SLC12A1: variants seen among roughly 807,000 people sequenced by gnomAD.
SLC12A1 encodes the protein solute carrier family 12 member 1, also known as Na-K-2Cl cotransporter.
In SLC12A1, 89 loss-of-function variants were observed where a neutral mutation model predicts 130.4. The observed-to-expected ratio is 0.68, with a 90% CI of 0.58 to 0.81. SLC12A1 has a LOEUF of 0.81. Ranked by LOEUF, SLC12A1 falls within the 40% of genes least tolerant of loss-of-function variation. The probability of loss-of-function intolerance (pLI) is 0.00; values close to 1 mark genes in which losing one functional copy is unlikely to be tolerated. For missense variants in SLC12A1, 1,310 were observed against 1,336.4 expected (o/e 0.98, Z 0.31); for synonymous variants, 499 against 460.0 (o/e 1.08, Z -1.09).
At chr15:48,228,850 A>G (rs1397709188) in intron 5 of SLC12A1, 1 of 174,144 alleles carries the variant, frequency 5.7e-6, no homozygotes, top group Admixed American at 5.9e-5. Flanking sequence ...ATAAAATTTT[A>G]CTTCAGTTGC....
chr15:48,254,260 G>A (rs1241767080), intron 15 of SLC12A1, among the ~76,000 whole-genome samples: 2 of 151,592 alleles, frequency 1.3e-5, no homozygotes, highest in Admixed American at 6.6e-5. Flanking sequence ...AGTATATTTA[G>A]GTCTATTATC....
intron 17 of SLC12A1, among the ~76,000 whole-genome samples, chr15:48,260,382 A>ACACACC (rs768468962): frequency 6.9e-4 from 98 of 142,980 alleles, no homozygotes; most frequent in African/African-American, 2.3e-3. Context: ...ACACACACAC[A>ACACACC]CCACTGAAAA....
At chr15:48,263,579 C>T (rs1201613271) in intron 17 of SLC12A1, among the ~76,000 whole-genome samples, 5 of 151,992 alleles carry the variant, frequency 3.3e-5, no homozygotes. Flanking sequence ...AATTTATATT[C>T]TACTTTTCCT....
intron 5 of SLC12A1, chr15:48,228,106 AC>A (rs2141029946): frequency 6.6e-6 from 1 of 152,212 alleles, no homozygotes; most frequent in Non-Finnish European, 1.5e-5. Flanking sequence ...AACTCTGCCT[AC>A]CTCCAAAGCC....
At chr15:48,224,328 T>G (rs896275006) in intron 4 of SLC12A1, 2 of 152,230 alleles carry the variant, frequency 1.3e-5, no homozygotes, top group Non-Finnish European at 2.9e-5. Flanking sequence ...GCTGGGGGCC[T>G]ATAAATTAGA....
Position 48,303,089 on chromosome 15 carries a change from G to A in SLC12A1, c.*204G>A. The A allele has an allele frequency of 5.3e-6, 2 of 380,048 alleles. No homozygotes were observed. The highest frequency in any genetic ancestry group is 9.3e-6 in the Non-Finnish European group (2 of 216,018). 23.5% of individuals were successfully genotyped at this position (380,048 alleles called of 1,614,324 possible). On this transcript the variant is annotated 3_prime_UTR_variant, in exon 27 of 27. Coordinates refer to ENST00000380993, the MANE Select transcript of SLC12A1 (RefSeq NM_000338.3). ...AGCTTAAGGGGTTGTCAAAGCCAAT[G>A]TTATCCCTAGAAAAACATTTTTGTC...
At chr15:48,261,569 G>A (rs558996857) in intron 17 of SLC12A1, among the ~76,000 whole-genome samples, 66 of 152,276 alleles carry the variant, frequency 4.3e-4, no homozygotes, top group African/African-American at 1.6e-3. Context: ...GAGCTCCTGG[G>A]GCTGCAGATG....
chr15:48,292,055 C>T (rs762892133), intron 24 of SLC12A1, among the ~76,000 whole-genome samples, 191 bp downstream of exon 24: 30 of 152,224 alleles, frequency 2.0e-4, no homozygotes, highest in Non-Finnish European at 4.4e-4. Context: ...AAAGCTTTTA[C>T]AGTGAAGACA....
intron 17 of SLC12A1, among the ~76,000 whole-genome samples, chr15:48,263,431 T>A (rs1802190510): frequency 6.6e-6 from 1 of 152,118 alleles, no homozygotes; most frequent in South Asian, 2.1e-4. Context: ...TTTAAAAAGA[T>A]TGATTCTGTT....
intron 17 of SLC12A1, among the ~76,000 whole-genome samples, chr15:48,263,303 G>A (rs990374137): frequency 4.6e-5 from 7 of 151,982 alleles, no homozygotes; most frequent in African/African-American, 1.7e-4. Flanking sequence ...CCAAAAACAC[G>A]CCACTTACCT....
In SLC12A1 at chr15:48,288,093, A is replaced by C. The variant is rs760812083; in HGVS notation, c.2680A>C (p.Lys894Gln). ...GATGCATGTGGGAGAGTTCAACCAG[A>C]AACTGGTGGAAGCCAGCACTCAATT... The part of the protein sequence containing the change: ...QSMHVGEFNQ[K>Q]LVEASTQFKK... Residue 894 changes from lysine (K) to glutamine (Q), a missense_variant, in exon 22 of 27, where the codon AAA (lysine) becomes CAA (glutamine). Lys to Gln is a moderately conservative substitution (Grantham distance 53). Transcript: ENST00000380993. 4 of 1,611,000 alleles carry C rather than the reference A, an allele frequency of 2.5e-6. No individual in the cohort carries two copies. The Admixed American group carries it at 5.0e-5, about 20-fold the overall frequency.
At chr15:48,294,335 A>G (rs1241880599) in intron 24 of SLC12A1, among the ~76,000 whole-genome samples, 2 of 148,818 alleles carry the variant, frequency 1.3e-5, no homozygotes, top group African/African-American at 5.0e-5. Context: ...GCGACAGAGC[A>G]AGACTACATC....
rs781726682 is a variant in SLC12A1 at position 48,226,507 on chromosome 15, C to T, written c.660C>T (p.Thr220=). 11 of 1,601,680 alleles carry T rather than the reference C, an allele frequency of 6.9e-6. No homozygotes were observed. In the Admixed American group the frequency reaches 8.7e-5, roughly 13 times the overall value. Residue 220 remains threonine (T), a synonymous_variant, in exon 5 of 27, where the codon ACC becomes ACT. Coordinates refer to ENST00000380993, the MANE Select transcript of SLC12A1 (RefSeq NM_000338.3). Reference sequence around the variant, plus strand: ...GAGTTCTCATAATTCTTCTTTCCACCATGGTAACTTCTATTACTGGGTTGT... The same window carrying T: ...GAGTTCTCATAATTCTTCTTTCCACTATGGTAACTTCTATTACTGGGTTGT... ...GLGVLIILLS[T]MVTSITGLST...
chr15:48,275,874 G>T (rs186046726), intron 20 of SLC12A1, among the ~76,000 whole-genome samples: 79 of 152,232 alleles, frequency 5.2e-4, no homozygotes, highest in Admixed American at 1.4e-3. Flanking sequence ...TTCAAATGAG[G>T]GAATAAGGTG....
At chr15:48,222,089 A>G (rs1316759289) in intron 4 of SLC12A1, among the ~76,000 whole-genome samples, 1 of 152,226 alleles carries the variant, frequency 6.6e-6, no homozygotes, top group Non-Finnish European at 1.5e-5. Flanking sequence ...ATGATGCATA[A>G]CAAATGAATG....
intron 7 of SLC12A1, among the ~76,000 whole-genome samples, chr15:48,232,225 C>T (rs2041389574): frequency 6.6e-6 from 1 of 152,188 alleles, no homozygotes; most frequent in Admixed American, 6.5e-5. Flanking sequence ...TCTGACCAGT[C>T]AACTTTGCAG....
chr15:48,248,672 C>T (rs1197376412), intron 13 of SLC12A1, among the ~76,000 whole-genome samples: 1 of 152,204 alleles, frequency 6.6e-6, no homozygotes, highest in Non-Finnish European at 1.5e-5. Flanking sequence ...AGGATGACGT[C>T]TCTATATTTT....
At chr15:48,254,178 T>C (rs1362064767) in intron 15 of SLC12A1, among the ~76,000 whole-genome samples, 5 of 151,544 alleles carry the variant, frequency 3.3e-5, no homozygotes, top group African/African-American at 1.2e-4. Flanking sequence ...TGGCTTACCA[T>C]ATTGCATCTG....
intron 9 of SLC12A1, 65 bp from the exon 10 acceptor site, chr15:48,241,450 C>A: frequency 7.8e-7 from 1 of 1,278,016 alleles, no homozygotes; most frequent in Non-Finnish European, 1.1e-6. Context: ...ATGAAAATAA[C>A]TCCAAGTGAT....
Sources: gnomAD v4.1 joint callset for allele counts (sites outside exome capture counted in the v4.1 genomes callset) on GRCh38, gnomAD v4.1.1 for gene constraint, MANE v1.5 for transcripts, NCBI Gene and HGNC (gene_info 2026-07-23, HGNC 2026-07-21) for gene names.